The following ZNF14 variants were observed in gnomAD, a reference collection of about 807,000 sequenced individuals.
ZNF14 encodes the protein gonadotropin inducible transcription repressor-4.
Under a neutral mutation model 11.3 loss-of-function variants are expected in ZNF14, and 9 were observed. The observed-to-expected ratio is 0.80, with a 90% CI of 0.48 to 1.39. The LOEUF (loss-of-function observed/expected upper bound fraction) is 1.39, where lower values mean the gene tolerates loss of function less well. ZNF14 is among the 40% of genes most tolerant of loss of function. The pLI is 0.00. For synonymous variants in ZNF14, 239 were observed against 245.7 expected (o/e 0.97, Z 0.25); for missense variants, 711 against 763.9 (o/e 0.93, Z 0.82).
intron 3 of ZNF14, among the ~76,000 whole-genome samples, 168 bp from the exon 4 acceptor site, chr19:19,713,257 T>C (rs1248980784): frequency 1.3e-5 from 2 of 152,190 alleles, no homozygotes; most frequent in Non-Finnish European, 2.9e-5. Flanking sequence ...GACTCAACCA[T>C]AGTTATGATC....
In ZNF14 at chr19:19,711,971, T is replaced by G; in HGVS notation, c.1310A>C (p.His437Pro). Residue 437 changes from histidine (H) to proline (P), a missense_variant, in exon 4 of 4, where the codon CAT becomes CCT. By Grantham distance (77) the His-to-Pro change is moderately conservative. Transcript: ENST00000344099. ...TFSFSSSLQR[H>P]ERTHNAEKPY... ...TTTCTCTGCATTGTGAGTCCTTTCA[T>G]GTCTTTGAAGGGAACTTGAAAAACT... The G allele has an allele frequency of 6.2e-7, 1 of 1,614,148 alleles. No individual in the cohort carries two copies. The highest frequency in any genetic ancestry group is 8.5e-7 in the Non-Finnish European group (1 of 1,180,026).
chr19:19,713,962 G>A, intron 3 of ZNF14, 129 bp downstream of exon 3: 1 of 851,206 alleles, frequency 1.2e-6, no homozygotes, highest in Non-Finnish European at 1.9e-6. Flanking sequence ...CATCTATGAT[G>A]TTTTTAAGAA....
chr19:19,732,781 G>A (rs948830771), intron 1 of ZNF14, among the ~76,000 whole-genome samples, 175 bp downstream of exon 1: 1 of 152,208 alleles, frequency 6.6e-6, no homozygotes, highest in African/African-American at 2.4e-5. Flanking sequence ...GGGACAGGAC[G>A]CTGGGGCTCC....
chr19:19,714,390 T>G lies in ZNF14; in HGVS notation c.101A>C (p.Gln34Pro). ...SQKKLYEDVM[Q>P]ETFKNLVCLG... Reference sequence around the variant, plus strand: ...ACAAACCAGGTTTTTGAAGGTCTCCTGCATCACATCTTCATAGAGCTTTTT... The same window carrying G: ...ACAAACCAGGTTTTTGAAGGTCTCCGGCATCACATCTTCATAGAGCTTTTT... The change falls in exon 2 of 4, where the codon CAG becomes CCG. Residue 34 changes from glutamine to proline, a missense_variant. By Grantham distance (76) the Gln-to-Pro change is moderately conservative. Transcript: ENST00000344099. The G allele has an allele frequency of 6.2e-7, 1 of 1,614,176 alleles. No individual in the cohort carries two copies. The highest frequency in any genetic ancestry group is 1.3e-5 in the African/African-American group (1 of 75,044).
At position 19,733,042 on chromosome 19, in the gene ZNF14, A is replaced by C. The variant is rs1354051278; in HGVS notation, c.-84T>G. 1 of 1,561,348 alleles carries C rather than the reference A, an allele frequency of 6.4e-7. No homozygotes were observed. Among genetic ancestry groups the C allele is most frequent in the Admixed American group, 1.8e-5 (1 of 54,194 alleles). ...CACGGCGCGACAAAGGATGCGCTAG[A>C]GCCACCTTCGGCCTTCAGGAGCAGG... On this transcript the variant is annotated 5_prime_UTR_variant, in exon 1 of 4. Coordinates refer to ENST00000344099, the MANE Select transcript of ZNF14 (RefSeq NM_021030.3).
intron 1 of ZNF14, among the ~76,000 whole-genome samples, chr19:19,721,764 C>T (rs1216379755): frequency 6.6e-6 from 1 of 151,976 alleles, no homozygotes; most frequent in Admixed American, 6.6e-5. Context: ...GAGTTCAAGA[C>T]CAGCCTGATC....
intron 1 of ZNF14, among the ~76,000 whole-genome samples, chr19:19,721,010 C>A (rs1264167635): frequency 6.6e-6 from 1 of 152,106 alleles, no homozygotes; most frequent in Non-Finnish European, 1.5e-5. Flanking sequence ...CAGGTTGGAG[C>A]GCAGTGGCGC....
rs151018755 is a variant in ZNF14 at position 19,714,908 on chromosome 19, C to T, written c.4-421G>A. Among the ~76,000 whole-genome samples, 8 of 151,962 alleles carry T rather than the reference C, an allele frequency of 5.3e-5. No homozygotes were observed. In the East Asian group the frequency reaches 1.6e-3, roughly 29 times the overall value. On this transcript the variant is annotated intron_variant, in intron 1 of 3. Coordinates refer to ENST00000344099, the MANE Select transcript of ZNF14 (RefSeq NM_021030.3). ...TATTTTTAGTAGAGACGGGGTTTCA[C>T]CATGTTGGCCAGGCTGGTCTCGAAC...
chr19:19,712,967 C>A lies in ZNF14; in HGVS notation c.314G>T (p.Cys105Phe). ...ETFTGAKPHE[C>F]SFCGRDFIHH... ...AATGAAGTCTCTTCCACAAAAGCTG[C>A]ATTCATGTGGTTTTGCTCCAGTAAA... Residue 105 changes from cysteine (C) to phenylalanine (F), a missense_variant, in exon 4 of 4, where the codon TGC (cysteine) becomes TTC (phenylalanine). Transcript: ENST00000344099. 1 of 1,614,126 alleles carries A rather than the reference C, an allele frequency of 6.2e-7. No individual in the cohort carries two copies.
chr19:19,718,613 G>A (rs2062384010), intron 1 of ZNF14, among the ~76,000 whole-genome samples: 2 of 152,038 alleles, frequency 1.3e-5, no homozygotes, highest in Non-Finnish European at 2.9e-5. Context: ...TACATGAAAG[G>A]AAATATCCAG....
Position 19,714,083 on chromosome 19 carries a change from C to A in ZNF14, c.191+8G>T. ...ACGGGCCACTATTTTTCTGTGGATG[C>A]AACTCACCTTCGATTTTTCCCCTGG... is the stretch of plus-strand genomic sequence containing the variant. On this transcript the variant is annotated splice_region_variant and intron_variant, in intron 3 of 3. Transcript: ENST00000344099. 6.2e-7 allele frequency: 1 copy of A among 1,612,826 alleles called. No homozygotes were observed. Among genetic ancestry groups the A allele is most frequent in the Non-Finnish European group, 8.5e-7 (1 of 1,179,396 alleles).
In ZNF14 at chr19:19,716,567, G is replaced by A. The variant is rs1005905780; in HGVS notation, c.4-2080C>T. Among the ~76,000 whole-genome samples the A allele has an allele frequency of 2.6e-5, 4 of 152,104 alleles. 1 individual carries two copies. The South Asian group carries it at 6.2e-4, about 24-fold the overall frequency. On this transcript the variant is annotated intron_variant, in intron 1 of 3. Transcript: ENST00000344099. ...GCCTCCCAAAGTGCTGGGATTATAG[G>A]TGTGAGTCCCCATGCCTGGCAATAA...
chr19:19,721,247 C>A (rs1461535033), intron 1 of ZNF14, among the ~76,000 whole-genome samples: 2 of 152,144 alleles, frequency 1.3e-5, no homozygotes, highest in Non-Finnish European at 2.9e-5. Context: ...TGAGCCACCA[C>A]CCCCGGCCCT....
chr19:19,712,738 G>C lies in ZNF14; in HGVS notation c.543C>G (p.Tyr181Ter). Residue 181 changes from tyrosine (Y) to a stop codon, truncating the protein, a stop_gained, in exon 4 of 4, where the codon TAC becomes TAG. Transcript: ENST00000344099. LOFTEE classifies it low-confidence loss of function (END_TRUNC). ...TCCTTTCATGTCTTTGAAATGGCTG[G>C]TAATATATAAAGGCTTTCCCACACT... Reference protein sequence around the residue: ...CKQCGKAFIYYQPFQRHERTH... With the variant: ...CKQCGKAFIY 1 of 1,613,176 alleles carries C rather than the reference G, an allele frequency of 6.2e-7. No homozygotes were observed. The highest frequency in any genetic ancestry group is 8.5e-7 in the Non-Finnish European group (1 of 1,179,718).
intron 1 of ZNF14, 95 bp from the exon 2 acceptor site, chr19:19,714,582 G>A: frequency 3.5e-6 from 5 of 1,435,322 alleles, no homozygotes; most frequent in Non-Finnish European, 4.7e-6. Context: ...ACAATTCTGT[G>A]TTCTCCAAAC....
intron 1 of ZNF14, among the ~76,000 whole-genome samples, chr19:19,730,400 ACTCTC>A (rs2062419750): frequency 6.6e-6 from 1 of 151,960 alleles, no homozygotes; most frequent in Admixed American, 6.6e-5. Context: ...CCACTTTCAT[ACTCTC>A]CTCTATCTCA....
chr19:19,711,325 G>T lies in ZNF14; in HGVS notation c.*27C>A, dbSNP rs754995377. The T allele has an allele frequency of 7.9e-6, 12 of 1,525,774 alleles. No homozygotes were observed. The highest frequency in any genetic ancestry group is 1.1e-5 in the Non-Finnish European group (12 of 1,141,764). The allele number at this position is 1,525,774 out of a possible 1,614,324, so 94.5% of individuals were successfully genotyped here. On this transcript the variant is annotated 3_prime_UTR_variant, in exon 4 of 4. Transcript: ENST00000344099. Reference sequence around the variant, plus strand: ...GTATTCAGAAGGAGCTGGAACAACCGAAGGCTTCAGAATGTTGCTTATATT... The same window carrying T: ...GTATTCAGAAGGAGCTGGAACAACCTAAGGCTTCAGAATGTTGCTTATATT...
intron 1 of ZNF14, 108 bp from the exon 2 acceptor site, chr19:19,714,595 T>A: frequency 7.4e-7 from 1 of 1,345,798 alleles, no homozygotes. Context: ...CTCCAAACAT[T>A]TGGTGTATGA....
intron 1 of ZNF14, among the ~76,000 whole-genome samples, chr19:19,730,263 G>A (rs1234092465): frequency 6.6e-6 from 1 of 151,916 alleles, no homozygotes; most frequent in Non-Finnish European, 1.5e-5. Flanking sequence ...CTTACCTCAG[G>A]TGATCCGCCC....
Sources: allele counts gnomAD v4.1 joint callset (sites outside exome capture counted in the v4.1 genomes callset), GRCh38; gene constraint gnomAD v4.1.1; transcripts MANE v1.5; gene names NCBI Gene and HGNC (gene_info 2026-07-23, HGNC 2026-07-21).